The following GADL1 variants were observed in gnomAD, a reference collection of about 807,000 sequenced individuals.
The protein encoded by GADL1 is GAD like acidic amino acid decarboxylase 1.
Under a neutral mutation model 69.5 loss-of-function variants are expected in GADL1, and 71 were observed. That is an observed-to-expected ratio of 1.02 (90% CI 0.84 to 1.25). The LOEUF is 1.25. Ranked by LOEUF, GADL1 falls within the 50% of genes most tolerant of loss-of-function variation. The pLI, the probability that GADL1 is intolerant of heterozygous loss-of-function variation, is 0.00. For missense variants in GADL1, 737 were observed against 631.8 expected, an observed-to-expected ratio of 1.17 and a Z score of -1.79; for synonymous variants, 254 against 214.4, an observed-to-expected ratio of 1.18 and a Z score of -1.62.
rs1415922586 is a variant in GADL1 at position 30,778,199 on chromosome 3, A to G, written c.1372T>C (p.Phe458Leu). The change falls in exon 14 of 15, where the codon TTC becomes CTC. Residue 458 changes from phenylalanine to leucine, a missense_variant. Coordinates refer to ENST00000282538, the MANE Select transcript of GADL1 (RefSeq NM_207359.3). ...CTTACCAAATTAAGTTTTGCCCAGA[A>G]CTCGGGTCCTTCTTCCATCTCTCTG... ...SLREMEEGPE[F>L]WAKLNLVAPA... 3.1e-6 allele frequency: 5 copies of G among 1,609,086 alleles called. No individual in the cohort carries two copies. The African/African-American group carries it at 5.3e-5, about 17-fold the overall frequency.
chr3:30,786,939 CACAGAA>C lies in GADL1; in HGVS notation c.1251-539_1251-534del, dbSNP rs201014399. On this transcript the variant is annotated intron_variant, in intron 12 of 14. Transcript: ENST00000282538. ...AGGCTGATTATCCTCAGCAAACTAA[CACAGAA>C]ACAGAAAACCAAACACTGCATGTTC... Among the ~76,000 whole-genome samples the C allele has an allele frequency of 1.5e-3, 223 of 152,230 alleles. 6 individuals carry two copies. In the East Asian group the frequency reaches 0.037, roughly 25 times the overall value.
intron 12 of GADL1, chr3:30,800,679 A>AGC: frequency 1.7e-6 from 1 of 575,838 alleles, no homozygotes; most frequent in Non-Finnish European, 3.1e-6. Context: ...CTCTGTTCAT[A>AGC]ATTCCTAACA....
intron 1 of GADL1, among the ~76,000 whole-genome samples, chr3:30,870,713 A>G (rs554212948): frequency 6.6e-6 from 1 of 151,806 alleles, no homozygotes; most frequent in Admixed American, 6.6e-5. Flanking sequence ...GTGGCAGACG[A>G]GATGGAGCAA....
chr3:30,730,792 C>G (rs989804080), intron 14 of GADL1, among the ~76,000 whole-genome samples: 2 of 152,252 alleles, frequency 1.3e-5, no homozygotes, highest in Non-Finnish European at 1.5e-5. Context: ...ACTAATCCTC[C>G]TCACCTTAGG....
intron 1 of GADL1, among the ~76,000 whole-genome samples, chr3:30,869,796 T>C (rs1190470806): frequency 6.6e-6 from 1 of 151,784 alleles, no homozygotes; most frequent in Non-Finnish European, 1.5e-5. Context: ...GTTCAAGACA[T>C]TAGGGCAGGC....
chr3:30,797,022 G>A (rs1438384535), intron 12 of GADL1, among the ~76,000 whole-genome samples: 1 of 152,130 alleles, frequency 6.6e-6, no homozygotes, highest in East Asian at 1.9e-4. Flanking sequence ...CTCACATTGG[G>A]TTTAGCCATA....
At chr3:30,740,960 T>A (rs1695609600) in intron 14 of GADL1, among the ~76,000 whole-genome samples, 1 of 134,866 alleles carries the variant, frequency 7.4e-6, no homozygotes, top group Non-Finnish European at 1.5e-5. Flanking sequence ...AATATATTTA[T>A]TATATATTAT....
intron 12 of GADL1, among the ~76,000 whole-genome samples, chr3:30,789,241 C>T (rs1229740945): frequency 6.6e-6 from 1 of 152,190 alleles, no homozygotes; most frequent in Admixed American, 6.6e-5. Flanking sequence ...TCTCCTTGTA[C>T]ATCTCCATCA....
intron 11 of GADL1, among the ~76,000 whole-genome samples, chr3:30,830,952 A>G (rs942837292): frequency 2.0e-5 from 3 of 150,874 alleles, no homozygotes; most frequent in Non-Finnish European, 4.4e-5. Flanking sequence ...CTCATCTCCC[A>G]TAATTGATAA....
At chr3:30,857,904 C>T (rs1698254972) in intron 2 of GADL1, among the ~76,000 whole-genome samples, 1 of 151,900 alleles carries the variant, frequency 6.6e-6, no homozygotes, top group African/African-American at 2.4e-5. Context: ...CTGTGTGTGC[C>T]CTCTGCCTAG....
intron 14 of GADL1, among the ~76,000 whole-genome samples, chr3:30,732,023 A>G (rs892408421): frequency 4.6e-5 from 7 of 152,214 alleles, no homozygotes; most frequent in Non-Finnish European, 8.8e-5. Context: ...AAAGGAATTC[A>G]TGTTTTGGCA....
At chr3:30,851,017 G>C (rs964110197) in intron 4 of GADL1, 76 bp from the exon 5 acceptor site, 3 of 859,324 alleles carry the variant, frequency 3.5e-6, no homozygotes, top group Non-Finnish European at 5.5e-6. Flanking sequence ...GAAATGCACA[G>C]AGTTCTATTA....
intron 14 of GADL1, among the ~76,000 whole-genome samples, chr3:30,746,256 G>A (rs1392777628): frequency 6.6e-6 from 1 of 152,086 alleles, no homozygotes; most frequent in Non-Finnish European, 1.5e-5. Flanking sequence ...GCCTCCCAAA[G>A]TGCTGAAATT....
intron 14 of GADL1, among the ~76,000 whole-genome samples, chr3:30,743,133 T>C (rs1695651262): frequency 6.6e-6 from 1 of 152,150 alleles, no homozygotes. Flanking sequence ...CTCTCATCTT[T>C]TAACACAGTT....
intron 1 of GADL1, among the ~76,000 whole-genome samples, chr3:30,881,224 A>G (rs1027184091): frequency 3.9e-5 from 6 of 151,994 alleles, no homozygotes; most frequent in African/African-American, 1.4e-4. Context: ...AAATATTTTC[A>G]TTTACATACA....
intron 6 of GADL1, among the ~76,000 whole-genome samples, chr3:30,847,332 G>T (rs1698075379): frequency 6.6e-6 from 1 of 152,124 alleles, no homozygotes; most frequent in South Asian, 2.1e-4. Context: ...TTCTGCACTG[G>T]ATGGTGCAAG....
intron 1 of GADL1, among the ~76,000 whole-genome samples, chr3:30,887,818 G>T (rs959658921): frequency 6.6e-6 from 1 of 152,064 alleles, no homozygotes; most frequent in Non-Finnish European, 1.5e-5. Context: ...GTTTCTAAAT[G>T]GTAAAACTAA....
chr3:30,755,847 T>C (rs1347259512), intron 14 of GADL1, among the ~76,000 whole-genome samples: 1 of 151,752 alleles, frequency 6.6e-6, no homozygotes, highest in Non-Finnish European at 1.5e-5. Flanking sequence ...CAAGAGGTCA[T>C]CATTTGCATA....
intron 14 of GADL1, among the ~76,000 whole-genome samples, chr3:30,744,475 C>T (rs1398382552): frequency 6.6e-6 from 1 of 152,068 alleles, no homozygotes; most frequent in Non-Finnish European, 1.5e-5. Context: ...CTTTGGGAGG[C>T]TGATGGGAGA....
Sources: allele counts gnomAD v4.1 joint callset (sites outside exome capture counted in the v4.1 genomes callset), GRCh38; gene constraint gnomAD v4.1.1; transcripts MANE v1.5; gene names NCBI Gene and HGNC (gene_info 2026-07-23, HGNC 2026-07-21).